Variants in FAM135B observed in about 807,000 individuals in gnomAD.
FAM135B encodes protein FAM135B.
FAM135B carries 43 observed loss-of-function variants against 127.7 expected under a neutral mutation model. The ratio of observed to expected loss-of-function variants is 0.34; its 90% confidence interval spans 0.26 to 0.43. The LOEUF (loss-of-function observed/expected upper bound fraction) is 0.43, where lower values mean the gene tolerates loss of function less well. Among genes scored for constraint, FAM135B ranks in the 20% least tolerant of loss-of-function variants. The probability of loss-of-function intolerance (pLI) is 1.00; values close to 1 mark genes in which losing one functional copy is unlikely to be tolerated. For missense variants in FAM135B, 1,558 were observed against 1,725.6 expected, an observed-to-expected ratio of 0.90 and a Z score of 1.72; for synonymous variants, 670 against 665.1, an observed-to-expected ratio of 1.01 and a Z score of -0.11.
At chr8:138,460,669 T>C (rs1837068914) in intron 1 of FAM135B, among the ~76,000 whole-genome samples, 1 of 151,978 alleles carries the variant, frequency 6.6e-6, no homozygotes, top group African/African-American at 2.4e-5. Context: ...TTTTGACTAA[T>C]GAAATAAAAG....
chr8:138,448,461 A>G (rs920752356), intron 1 of FAM135B, among the ~76,000 whole-genome samples: 1 of 152,204 alleles, frequency 6.6e-6, no homozygotes, highest in African/African-American at 2.4e-5. Context: ...AGATTAGATC[A>G]TAAGAGTGGA....
chr8:138,435,018 C>A (rs905962202), intron 1 of FAM135B, among the ~76,000 whole-genome samples: 4 of 152,140 alleles, frequency 2.6e-5, no homozygotes, highest in African/African-American at 9.7e-5. Context: ...TGGCTGAAGC[C>A]ACACGCCAGC....
intron 7 of FAM135B, among the ~76,000 whole-genome samples, chr8:138,210,112 T>A (rs775690503): frequency 7.2e-5 from 11 of 152,234 alleles, no homozygotes; most frequent in Non-Finnish European, 1.6e-4. Flanking sequence ...ATTAGACATG[T>A]CTGCAGAATA....
intron 1 of FAM135B, among the ~76,000 whole-genome samples, chr8:138,445,131 T>C (rs1052929795): frequency 6.6e-6 from 1 of 152,120 alleles, no homozygotes; most frequent in Non-Finnish European, 1.5e-5. Context: ...AATAGATCAA[T>C]AACAGGCTCT....
intron 7 of FAM135B, among the ~76,000 whole-genome samples, chr8:138,206,161 C>G (rs1466146824): frequency 2.0e-5 from 3 of 147,302 alleles, no homozygotes; most frequent in Non-Finnish European, 3.0e-5. Context: ...AGTTCAGTAT[C>G]ACCTCCACCT....
chr8:138,158,153 C>T (rs1818958900), intron 12 of FAM135B, among the ~76,000 whole-genome samples: 1 of 152,194 alleles, frequency 6.6e-6, no homozygotes, highest in African/African-American at 2.4e-5. Context: ...CACACATCTA[C>T]AACCATCTGA....
In FAM135B at chr8:138,243,488, C is replaced by G. The variant is rs1274949329; in HGVS notation, c.543-420G>C. Among the ~76,000 whole-genome samples, 1 of 152,178 alleles carries G rather than the reference C, an allele frequency of 6.6e-6. No individual in the cohort carries two copies. The highest frequency in any genetic ancestry group is 1.5e-5 in the Non-Finnish European group (1 of 68,040). On this transcript the variant is annotated intron_variant, in intron 6 of 19. Transcript: ENST00000395297. This position sits in a 1 kb window ranked among gnomAD's most constrained non-coding sequence, Gnocchi z 7.5. ...ACTCCTCCCTCCCTGGACCTCTTTT[C>G]TTCTGTGGAAAAGCATAAAACATCT...
chr8:138,221,065 C>T (rs1818988249), intron 7 of FAM135B, among the ~76,000 whole-genome samples: 1 of 152,072 alleles, frequency 6.6e-6, no homozygotes, highest in Non-Finnish European at 1.5e-5. Flanking sequence ...AAGATGAAAC[C>T]CAGGAAATTT....
At chr8:138,160,217 T>G (rs548632297) in intron 12 of FAM135B, among the ~76,000 whole-genome samples, 1 of 152,158 alleles carries the variant, frequency 6.6e-6, no homozygotes, top group East Asian at 1.9e-4. Context: ...GGATGTTACT[T>G]GTATAATAAA....
At chr8:138,272,795 A>T (rs557849171) in intron 3 of FAM135B, among the ~76,000 whole-genome samples, 17 of 152,316 alleles carry the variant, frequency 1.1e-4, no homozygotes, top group African/African-American at 3.8e-4. Context: ...CAGGTATTTC[A>T]GTTTGGATTT....
intron 7 of FAM135B, among the ~76,000 whole-genome samples, chr8:138,235,250 C>G (rs1563801839): frequency 6.6e-6 from 1 of 152,074 alleles, no homozygotes; most frequent in African/African-American, 2.4e-5. Flanking sequence ...TAATGAGCAC[C>G]AAGGGCTCTA....
At chr8:138,315,650 A>G (rs113556157) in intron 2 of FAM135B, among the ~76,000 whole-genome samples, 3 of 143,192 alleles carry the variant, frequency 2.1e-5, no homozygotes, top group Non-Finnish European at 4.6e-5. Flanking sequence ...CATGCACTCA[A>G]ACAATGGAAT....
chr8:138,151,673 C>T lies in FAM135B; in HGVS notation c.2802G>A (p.Val934=), dbSNP rs374709478. Residue 934 remains valine, a synonymous_variant, in exon 13 of 20, where the codon GTG becomes GTA. Coordinates refer to ENST00000395297, the MANE Select transcript of FAM135B (RefSeq NM_015912.4). The part of the protein sequence containing the change: ...SEVEGLSQHQ[V]PELSCTSAAD... Reference sequence around the variant, plus strand: ...CAGCTGACGTACAGCTCAATTCAGGCACCTGATGTTGAGAGAGACCCTCAA... The same window carrying T: ...CAGCTGACGTACAGCTCAATTCAGGTACCTGATGTTGAGAGAGACCCTCAA... 7.4e-6 allele frequency: 12 copies of T among 1,614,068 alleles called. No individual in the cohort carries two copies. The highest frequency in any genetic ancestry group is 1.0e-5 in the Non-Finnish European group (12 of 1,180,058).
In FAM135B at chr8:138,332,852, G is replaced by A. The variant is rs554610420; in HGVS notation, c.78-21932C>T. Among the ~76,000 whole-genome samples the A allele has an allele frequency of 1.8e-4, 27 of 152,196 alleles. No individual in the cohort carries two copies. The South Asian group carries it at 5.4e-3, about 30-fold the overall frequency. On this transcript the variant is annotated intron_variant, in intron 2 of 19. Transcript: ENST00000395297. Reference sequence around the variant, plus strand: ...TCAACATCTGTGTGGTGCTTCTTCAGGGAGTTGGTGGAAGTGAGATGACCT... The same window carrying A: ...TCAACATCTGTGTGGTGCTTCTTCAAGGAGTTGGTGGAAGTGAGATGACCT...
At chr8:138,487,873 G>A (rs1280025164) in intron 1 of FAM135B, among the ~76,000 whole-genome samples, 1 of 152,056 alleles carries the variant, frequency 6.6e-6, no homozygotes, top group East Asian at 1.9e-4. Context: ...GCGTGGTGGT[G>A]GGCACCTGGA....
chr8:138,141,810 C>T lies in FAM135B; in HGVS notation c.3639-461G>A, dbSNP rs1481144221. Among the ~76,000 whole-genome samples the T allele has an allele frequency of 6.6e-6, 1 of 152,184 alleles. No homozygotes were observed. Among genetic ancestry groups the T allele is most frequent in the African/African-American group, 2.4e-5 (1 of 41,458 alleles). ...CGCTGTGTATATATTGAACCACCTG[C>T]TCACAGCCCATGCTGTTAGACCCCC... On this transcript the variant is annotated intron_variant, in intron 16 of 19. Transcript: ENST00000395297. This position sits in a 1 kb window ranked among gnomAD's most constrained non-coding sequence, Gnocchi z 4.7.
At chr8:138,338,135 A>G (rs1828753793) in intron 2 of FAM135B, among the ~76,000 whole-genome samples, 1 of 152,256 alleles carries the variant, frequency 6.6e-6, no homozygotes, top group Non-Finnish European at 1.5e-5. Context: ...CTTAAATGTT[A>G]GACCTGAAAC....
rs534752909 is a variant in FAM135B at position 138,277,488 on chromosome 8, C to T, written c.158-11646G>A. On this transcript the variant is annotated intron_variant, in intron 3 of 19. Coordinates refer to ENST00000395297, the MANE Select transcript of FAM135B (RefSeq NM_015912.4). ...TGGGTCAAGTAATTAACTTTCAACTCTACACAGCAAATGCAGAACAGAAGG... is the reference window on the plus strand; with the variant it reads ...TGGGTCAAGTAATTAACTTTCAACTTTACACAGCAAATGCAGAACAGAAGG... Among the ~76,000 whole-genome samples, 5 of 152,298 alleles carry T rather than the reference C, an allele frequency of 3.3e-5. No individual in the cohort carries two copies. The South Asian group carries it at 8.3e-4, about 25-fold the overall frequency.
At chr8:138,446,250 G>C (rs541552299) in intron 1 of FAM135B, among the ~76,000 whole-genome samples, 1 of 152,050 alleles carries the variant, frequency 6.6e-6, no homozygotes, top group African/African-American at 2.4e-5. Context: ...TATAGATTCA[G>C]TGCCATCCCC....
Sources: gnomAD v4.1 joint callset for allele counts (sites outside exome capture counted in the v4.1 genomes callset) on GRCh38, gnomAD v4.1.1 for gene constraint, Gnocchi (gnomAD v3.1) non-coding constraint, MANE v1.5 for transcripts, NCBI Gene and HGNC (gene_info 2026-07-23, HGNC 2026-07-21) for gene names.